The following POLN variants were observed in gnomAD, a reference collection of about 807,000 sequenced individuals.
POLN encodes DNA polymerase N.
POLN carries 108 observed loss-of-function variants against 113.5 expected under a neutral mutation model. The observed-to-expected ratio is 0.95, with a 90% CI of 0.81 to 1.12. The LOEUF is 1.12. POLN is among the 50% of genes most tolerant of loss of function. The probability of loss-of-function intolerance (pLI) is 0.00; values close to 1 mark genes in which losing one functional copy is unlikely to be tolerated. For synonymous variants in POLN, 386 were observed against 391.5 expected, an observed-to-expected ratio of 0.99 and a Z score of 0.17; for missense variants, 1,097 against 1,077.1, an observed-to-expected ratio of 1.02 and a Z score of -0.26.
intron 5 of POLN, among the ~76,000 whole-genome samples, chr4:2,207,494 T>C (rs1367970540): frequency 1.3e-5 from 2 of 152,132 alleles, no homozygotes; most frequent in South Asian, 4.1e-4. Context: ...ATAAATAATA[T>C]ATCTTATAAG....
At chr4:2,174,822 T>C in intron 9 of POLN, 71 bp from the exon 10 acceptor site, 1 of 1,120,972 alleles carries the variant, frequency 8.9e-7, no homozygotes, top group Non-Finnish European at 1.3e-6. Flanking sequence ...TTGAAAAGCC[T>C]ACTTTTTTTT....
intron 16 of POLN, among the ~76,000 whole-genome samples, chr4:2,152,950 C>A (rs879718406): frequency 6.6e-6 from 1 of 152,190 alleles, no homozygotes; most frequent in Non-Finnish European, 1.5e-5. Flanking sequence ...TCCTCTGTAC[C>A]CAGTACAGTA....
Position 2,192,925 on chromosome 4 carries a change from T to C in POLN, c.1021+279A>G, listed in dbSNP as rs542722885. Among the ~76,000 whole-genome samples the C allele has an allele frequency of 2.1e-3, 319 of 152,242 alleles. 1 individual carries two copies. The highest frequency in any genetic ancestry group is 7.3e-3 in the African/African-American group (304 of 41,570). On this transcript the variant is annotated intron_variant, in intron 7 of 25. Coordinates refer to ENST00000511885, the MANE Select transcript of POLN (RefSeq NM_181808.4). ...TTTAATTCTTAGAAAGTTTATAAGC[T>C]ATTTGTGGTAACAAGAAATCTCACT...
At chr4:2,151,839 G>T (rs1307137679) in intron 16 of POLN, among the ~76,000 whole-genome samples, 1 of 152,144 alleles carries the variant, frequency 6.6e-6, no homozygotes, top group Admixed American at 6.5e-5. Context: ...TGGGGAGGGA[G>T]ATATTACAAA....
chr4:2,235,010 C>G (rs1734709422), intron 2 of POLN, among the ~76,000 whole-genome samples: 1 of 152,216 alleles, frequency 6.6e-6, no homozygotes, highest in Non-Finnish European at 1.5e-5. Flanking sequence ...GTCAGCCTCC[C>G]AAGTAGCTGG....
chr4:2,136,118 C>A (rs528837661), intron 16 of POLN, among the ~76,000 whole-genome samples: 2 of 152,204 alleles, frequency 1.3e-5, no homozygotes, highest in Non-Finnish European at 2.9e-5. Context: ...CCAGGTCCAA[C>A]GAATGTCCAG....
intron 19 of POLN, among the ~76,000 whole-genome samples, chr4:2,125,491 A>G (rs892507676): frequency 6.6e-6 from 1 of 152,224 alleles, no homozygotes; most frequent in Non-Finnish European, 1.5e-5. Context: ...ACAGGAAGTC[A>G]AGAATATTAA....
At chr4:2,146,821 G>A (rs918558994) in intron 16 of POLN, among the ~76,000 whole-genome samples, 1 of 152,142 alleles carries the variant, frequency 6.6e-6, no homozygotes, top group Admixed American at 6.5e-5. Context: ...CTTGAAGGCA[G>A]GCGAAAGCAT....
intron 16 of POLN, among the ~76,000 whole-genome samples, chr4:2,136,038 G>T (rs1731849410): frequency 6.6e-6 from 1 of 152,168 alleles, no homozygotes; most frequent in South Asian, 2.1e-4. Context: ...TAATTTGTTG[G>T]AGTCAATCAT....
chr4:2,089,648 T>A (rs1226060958), intron 20 of POLN: 3 of 782,392 alleles, frequency 3.8e-6, no homozygotes, highest in Non-Finnish European at 6.1e-6. Flanking sequence ...CACAAAGGAT[T>A]ATCTGAACTT....
At chr4:2,193,174 A>G (rs10015921) in intron 7 of POLN, 30 bp downstream of exon 7, 12 of 1,494,754 alleles carry the variant, frequency 8.0e-6, no homozygotes, top group Non-Finnish European at 1.1e-5. Flanking sequence ...GAAGAGTTAA[A>G]TTATAGAGAG....
At chr4:2,075,388 G>C in intron 24 of POLN, 64 bp downstream of exon 24, 1 of 1,544,498 alleles carries the variant, frequency 6.5e-7, no homozygotes, top group East Asian at 2.3e-5. Flanking sequence ...CTGTGCCCAT[G>C]GGGCATGGAG....
intron 23 of POLN, 67 bp downstream of exon 23, chr4:2,080,891 C>T (rs1234374849): frequency 1.9e-6 from 3 of 1,610,658 alleles, no homozygotes; most frequent in Admixed American, 1.7e-5. Context: ...ATCACGAGCC[C>T]CGAGGGGGTC....
intron 8 of POLN, among the ~76,000 whole-genome samples, chr4:2,176,624 TA>T (rs1733004291): frequency 6.6e-6 from 1 of 152,120 alleles, no homozygotes; most frequent in Non-Finnish European, 1.5e-5. Flanking sequence ...CAAAGAAGCT[TA>T]ATGTCTCAGG....
At chr4:2,108,280 T>C (rs1361921278) in intron 19 of POLN, among the ~76,000 whole-genome samples, 1 of 152,198 alleles carries the variant, frequency 6.6e-6, no homozygotes, top group Non-Finnish European at 1.5e-5. Context: ...CCGCTTGCTC[T>C]TGCTGGACAA....
chr4:2,230,518 TAAAC>T (rs1194088461), intron 2 of POLN: 3 of 152,130 alleles, frequency 2.0e-5, no homozygotes, highest in African/African-American at 7.2e-5. Context: ...AGCAAAATCT[TAAAC>T]AAAATTTACT....
intron 19 of POLN, among the ~76,000 whole-genome samples, chr4:2,102,979 G>C (rs900019966): frequency 6.6e-6 from 1 of 152,190 alleles, no homozygotes; most frequent in Non-Finnish European, 1.5e-5. Flanking sequence ...CAGATGTGCA[G>C]AAATCAATGT....
At chr4:2,219,011 CTA>C (rs1373586537) in intron 3 of POLN, among the ~76,000 whole-genome samples, 1 of 152,208 alleles carries the variant, frequency 6.6e-6, no homozygotes, top group Non-Finnish European at 1.5e-5. Context: ...TACTAATTCA[CTA>C]TCTTTGCTGG....
intron 13 of POLN, among the ~76,000 whole-genome samples, chr4:2,168,109 C>A (rs1028184031): frequency 6.6e-6 from 1 of 152,094 alleles, no homozygotes; most frequent in Non-Finnish European, 1.5e-5. Context: ...TCCACTATGT[C>A]CCAGGCATTG....
Sources: gnomAD v4.1 joint callset for allele counts (sites outside exome capture counted in the v4.1 genomes callset) on GRCh38, gnomAD v4.1.1 for gene constraint, MANE v1.5 for transcripts, NCBI Gene and HGNC (gene_info 2026-07-23, HGNC 2026-07-21) for gene names.